Variants in NME7 observed in about 807,000 individuals in gnomAD.
NME7 encodes NME/NM23 family member 7.
A neutral mutation model predicts 49.1 loss-of-function variants in NME7; 41 were observed. That is an observed-to-expected ratio of 0.83 (90% confidence interval 0.65 to 1.08). NME7 has a LOEUF of 1.08. Among genes scored for constraint, NME7 ranks in the 50% least tolerant of loss-of-function variants. The pLI is 0.00. For synonymous variants in NME7, 139 were observed against 150.6 expected, an observed-to-expected ratio of 0.92 and a Z score of 0.56; for missense variants, 423 against 463.4, an observed-to-expected ratio of 0.91 and a Z score of 0.80.
chr1:169,263,320 G>A (rs1571337863), intron 7 of NME7, among the ~76,000 whole-genome samples: 1 of 133,836 alleles, frequency 7.5e-6, no homozygotes, highest in East Asian at 2.0e-4. Flanking sequence ...TCAAGATTCA[G>A]AAGAATGTTG....
chr1:169,283,853 A>G lies in NME7; in HGVS notation c.754+3450T>C, dbSNP rs534047541. 10 of 152,280 alleles carry G rather than the reference A, an allele frequency of 6.6e-5. 1 individual carries two copies. The South Asian group carries it at 2.1e-3, about 32-fold the overall frequency. 9.4% of individuals were successfully genotyped at this position (152,280 alleles called of 1,614,324 possible). On this transcript the variant is annotated intron_variant, in intron 7 of 11. Transcript: ENST00000367811. ...ATGGGCTTCTCTTTGTGGGTAACCCAACCTTTCTCTCTGGCTGCCCTTAAC... is the reference window on the plus strand; with the variant it reads ...ATGGGCTTCTCTTTGTGGGTAACCCGACCTTTCTCTCTGGCTGCCCTTAAC...
At chr1:169,208,292 A>G (rs1283234550) in intron 10 of NME7, among the ~76,000 whole-genome samples, 1 of 152,132 alleles carries the variant, frequency 6.6e-6, no homozygotes, top group African/African-American at 2.4e-5. Context: ...TCATGTTTTC[A>G]TTGCTAGTAC....
chr1:169,252,354 G>A (rs1410266607), intron 7 of NME7, among the ~76,000 whole-genome samples: 2 of 152,094 alleles, frequency 1.3e-5, no homozygotes, highest in Non-Finnish European at 2.9e-5. Context: ...CAGCATAAAT[G>A]TCTCCTTTTG....
chr1:169,335,186 G>A (rs1308056955), intron 1 of NME7, among the ~76,000 whole-genome samples: 1 of 152,138 alleles, frequency 6.6e-6, no homozygotes, highest in African/African-American at 2.4e-5. Flanking sequence ...AATACCATTT[G>A]ACCCAGTAAT....
At chr1:169,206,646 A>G (rs1373154718) in intron 10 of NME7, among the ~76,000 whole-genome samples, 1 of 152,170 alleles carries the variant, frequency 6.6e-6, no homozygotes, top group Non-Finnish European at 1.5e-5. Flanking sequence ...AATGCATAAA[A>G]TACATAGAAT....
chr1:169,336,561 TAC>T (rs1189264589), intron 1 of NME7, among the ~76,000 whole-genome samples: 2 of 152,206 alleles, frequency 1.3e-5, no homozygotes, highest in African/African-American at 2.4e-5. Context: ...AGCAGCTAGA[TAC>T]AGAGTGTCGA....
chr1:169,213,961 G>T (rs1660904781), intron 10 of NME7, among the ~76,000 whole-genome samples: 1 of 152,010 alleles, frequency 6.6e-6, no homozygotes, highest in Non-Finnish European at 1.5e-5. Context: ...CATATTGATT[G>T]GTGGTAATGA....
In NME7 at chr1:169,268,374, AGT is replaced by A. The variant is rs1416194379; in HGVS notation, c.754+18927_754+18928del. Among the ~76,000 whole-genome samples, 5 of 134,040 alleles carry A rather than the reference AGT, an allele frequency of 3.7e-5. 1 individual carries two copies. Among genetic ancestry groups the A allele is most frequent in the Non-Finnish European group, 8.8e-5 (5 of 57,002 alleles). The allele number at this position is 134,040 out of a possible 152,430, so 87.9% of individuals were successfully genotyped here. ...AATTAGTTCAGCTATTGTGGAAGAC[AGT>A]GTGGCGATTCCTCAAAGGCCTAAAG... On this transcript the variant is annotated intron_variant, in intron 7 of 11. Transcript: ENST00000367811.
intron 10 of NME7, among the ~76,000 whole-genome samples, chr1:169,180,765 C>T (rs1659902041): frequency 6.6e-6 from 1 of 152,064 alleles, no homozygotes; most frequent in Non-Finnish European, 1.5e-5. Flanking sequence ...AATACTATTT[C>T]AGTAGGTAAT....
At chr1:169,202,018 C>T (rs1333838949) in intron 10 of NME7, among the ~76,000 whole-genome samples, 1 of 152,128 alleles carries the variant, frequency 6.6e-6, no homozygotes, top group African/African-American at 2.4e-5. Flanking sequence ...AGTCTGGCAG[C>T]AGCAGCAGCA....
intron 10 of NME7, among the ~76,000 whole-genome samples, chr1:169,192,251 G>A (rs1407348565): frequency 6.6e-6 from 1 of 152,094 alleles, no homozygotes; most frequent in Non-Finnish European, 1.5e-5. Context: ...GGCAGCTGGA[G>A]ACATCTTAAA....
At chr1:169,316,343 G>A (rs1372407503) in intron 3 of NME7, among the ~76,000 whole-genome samples, 3 of 152,088 alleles carry the variant, frequency 2.0e-5, no homozygotes, top group Non-Finnish European at 4.4e-5. Context: ...TATTATTATA[G>A]AACTGTAAGT....
chr1:169,169,361 A>C (rs1659511027), intron 11 of NME7, 86 bp downstream of exon 11: 2 of 1,216,898 alleles, frequency 1.6e-6, no homozygotes, highest in Non-Finnish European at 2.4e-6. Flanking sequence ...ATAACAATAA[A>C]ACAAAAAGTT....
At chr1:169,192,090 T>A (rs1660245971) in intron 10 of NME7, among the ~76,000 whole-genome samples, 1 of 152,282 alleles carries the variant, frequency 6.6e-6, no homozygotes, top group Non-Finnish European at 1.5e-5. Flanking sequence ...CAAAAAGGTG[T>A]AAAGAGACTT....
intron 11 of NME7, among the ~76,000 whole-genome samples, chr1:169,168,160 A>T (rs1223366880): frequency 6.6e-6 from 1 of 151,914 alleles, no homozygotes; most frequent in Non-Finnish European, 1.5e-5. Context: ...TCATATAAAA[A>T]CCTCAAGTCA....
At chr1:169,201,445 T>G (rs4656660) in intron 10 of NME7, among the ~76,000 whole-genome samples, 56,385 of 151,874 alleles carry the variant, frequency 0.37, 11,038 homozygotes, top group East Asian at 0.73. Context: ...AGTGAAGTAA[T>G]TCTGAAGGTA....
intron 6 of NME7, among the ~76,000 whole-genome samples, chr1:169,296,221 T>A (rs192589318): frequency 2.0e-5 from 3 of 152,290 alleles, no homozygotes; most frequent in African/African-American, 7.2e-5. Flanking sequence ...TTAAGTCTAC[T>A]CCACACAGGG....
chr1:169,253,631 G>C (rs1054793072), intron 7 of NME7, among the ~76,000 whole-genome samples: 4 of 152,180 alleles, frequency 2.6e-5, no homozygotes, highest in Non-Finnish European at 5.9e-5. Context: ...GGGCATCCCT[G>C]TCTTGTGCCA....
At chr1:169,168,757 C>T (rs977551481) in intron 11 of NME7, 9 of 407,812 alleles carry the variant, frequency 2.2e-5, no homozygotes, top group Admixed American at 9.5e-5. Context: ...AACAAAAAGT[C>T]GATTAACACA....
Sources: allele counts gnomAD v4.1 joint callset (sites outside exome capture counted in the v4.1 genomes callset), GRCh38; gene constraint gnomAD v4.1.1; transcripts MANE v1.5; gene names NCBI Gene and HGNC (gene_info 2026-07-23, HGNC 2026-07-21).